KAZN: variants seen among roughly 807,000 people sequenced by gnomAD.
The protein encoded by KAZN is kazrin.
In KAZN, 40 loss-of-function variants were observed where a neutral mutation model predicts 87.4. The observed-to-expected ratio is 0.46, with a 90% CI of 0.36 to 0.60. The LOEUF (loss-of-function observed/expected upper bound fraction) is 0.60. Ranked by LOEUF, KAZN falls within the 20% of genes least tolerant of loss-of-function variation. The pLI, the probability that KAZN is intolerant of heterozygous loss-of-function variation, is 0.00. For missense variants in KAZN, 898 were observed against 1,073.9 expected, an observed-to-expected ratio of 0.84 and a Z score of 2.29; for synonymous variants, 466 against 458.3, an observed-to-expected ratio of 1.02 and a Z score of -0.22.
intron 1 of KAZN, among the ~76,000 whole-genome samples, chr1:14,957,664 G>A (rs1421991224): frequency 6.6e-6 from 1 of 152,182 alleles, no homozygotes; most frequent in Non-Finnish European, 1.5e-5. Flanking sequence ...AGGCTGATGG[G>A]AAGGAAATCA....
chr1:14,556,488 G>C (rs1371536749), intron 2 of KAZN, among the ~76,000 whole-genome samples: 3 of 152,124 alleles, frequency 2.0e-5, no homozygotes, highest in African/African-American at 7.2e-5. Flanking sequence ...GGGACTCATG[G>C]AGGTGTGGAG....
At chr1:14,995,119 TG>T (rs1667739926) in intron 2 of KAZN, among the ~76,000 whole-genome samples, 1 of 152,176 alleles carries the variant, frequency 6.6e-6, no homozygotes, top group African/African-American at 2.4e-5. Flanking sequence ...AGAGGGGAGC[TG>T]GAAGAGACAG....
chr1:14,741,937 TGGTTGTTTTTTTTTG>T (rs1012646290), intron 1 of KAZN, among the ~76,000 whole-genome samples: 48 of 152,140 alleles, frequency 3.2e-4, no homozygotes, highest in African/African-American at 1.1e-3. Flanking sequence ...TTCTCTCTTG[TGGTTGTTTTTTTTTG>T]GGTTGTTTTT....
intron 1 of KAZN, among the ~76,000 whole-genome samples, chr1:14,883,169 C>A (rs1653523276): frequency 6.6e-6 from 1 of 151,570 alleles, no homozygotes; most frequent in Non-Finnish European, 1.5e-5. Context: ...ATGGCACATG[C>A]CTGTAATCCC....
chr1:14,306,245 T>G (rs1480102986), intron 2 of KAZN, among the ~76,000 whole-genome samples: 3 of 152,208 alleles, frequency 2.0e-5, no homozygotes, highest in Non-Finnish European at 4.4e-5. Flanking sequence ...TATTTCTCTA[T>G]CTCTTTCTGC....
intron 1 of KAZN, among the ~76,000 whole-genome samples, chr1:14,684,621 G>A (rs534935849): frequency 1.6e-4 from 25 of 152,276 alleles, no homozygotes; most frequent in Non-Finnish European, 2.9e-4. Context: ...ATGTTTCTTC[G>A]CTCTTTCTAG....
intron 2 of KAZN, among the ~76,000 whole-genome samples, chr1:14,324,776 A>G (rs1444508017): frequency 6.6e-6 from 1 of 152,190 alleles, no homozygotes; most frequent in Non-Finnish European, 1.5e-5. Context: ...CACATTTATT[A>G]TGTAATAATT....
intron 1 of KAZN, among the ~76,000 whole-genome samples, chr1:13,900,384 C>T (rs190339163): frequency 8.0e-4 from 122 of 152,284 alleles, no homozygotes; most frequent in African/African-American, 2.8e-3. Context: ...CCCTACCAGC[C>T]CCTGGTGATC....
chr1:14,989,930 A>T (rs1667188146), intron 2 of KAZN, among the ~76,000 whole-genome samples: 1 of 152,192 alleles, frequency 6.6e-6, no homozygotes, highest in Admixed American at 6.5e-5. Flanking sequence ...GGAGATAGGC[A>T]TCGATGTTTA....
chr1:14,129,143 A>G (rs985370257), intron 1 of KAZN, among the ~76,000 whole-genome samples: 6 of 152,192 alleles, frequency 3.9e-5, no homozygotes, highest in African/African-American at 1.2e-4. Flanking sequence ...AGGGACTCAC[A>G]TGGTACCCTA....
chr1:14,308,499 C>A (rs1655078517), intron 2 of KAZN, among the ~76,000 whole-genome samples: 1 of 152,104 alleles, frequency 6.6e-6, no homozygotes, highest in South Asian at 2.1e-4. Context: ...GTTTCATGAA[C>A]AATTCTTGTA....
chr1:14,844,943 T>A (rs1002892043), intron 1 of KAZN, among the ~76,000 whole-genome samples: 1 of 151,990 alleles, frequency 6.6e-6, no homozygotes, highest in Non-Finnish European at 1.5e-5. Flanking sequence ...GATGGCTGTA[T>A]AAATGAGTGG....
intron 1 of KAZN, among the ~76,000 whole-genome samples, chr1:14,875,273 G>C (rs1314502398): frequency 6.7e-6 from 1 of 148,322 alleles, no homozygotes; most frequent in Non-Finnish European, 1.5e-5. Context: ...AGAGGTTGCA[G>C]TGGGCCGAGA....
chr1:14,058,376 GCTGCTTCCATTCT>G (rs778400402), intron 1 of KAZN, among the ~76,000 whole-genome samples: 1 of 152,114 alleles, frequency 6.6e-6, no homozygotes, highest in Non-Finnish European at 1.5e-5. Context: ...AAGACACATG[GCTGCTTCCATTCT>G]GTTCTCTGCT....
intron 1 of KAZN, among the ~76,000 whole-genome samples, chr1:14,920,017 T>C (rs1557621427): frequency 1.3e-5 from 2 of 152,140 alleles, no homozygotes; most frequent in Admixed American, 1.3e-4. Flanking sequence ...CCTGTCCTTG[T>C]CATTAAGTGA....
chr1:14,309,548 G>T (rs1655146954), intron 2 of KAZN, among the ~76,000 whole-genome samples: 1 of 152,144 alleles, frequency 6.6e-6, no homozygotes, highest in African/African-American at 2.4e-5. Context: ...ATCCACTGAA[G>T]ATGGCATTAA....
intron 1 of KAZN, among the ~76,000 whole-genome samples, chr1:14,684,665 GC>G (rs915522805): frequency 3.3e-5 from 5 of 152,196 alleles, no homozygotes; most frequent in Admixed American, 6.5e-5. Context: ...TTGGCTTGTG[GC>G]CCCTTCCTAT....
chr1:15,020,836 G>A (rs1467451665), intron 2 of KAZN, among the ~76,000 whole-genome samples: 2 of 152,148 alleles, frequency 1.3e-5, no homozygotes, highest in Admixed American at 6.5e-5. Flanking sequence ...GGCATGATGT[G>A]ACTTGCCCCA....
intron 1 of KAZN, among the ~76,000 whole-genome samples, chr1:14,897,219 A>G (rs1218204842): frequency 6.6e-6 from 1 of 152,206 alleles, no homozygotes; most frequent in Non-Finnish European, 1.5e-5. Flanking sequence ...AGTCCCAGGA[A>G]GAACTTCTCC....
Sources: gnomAD v4.1 joint callset for allele counts (sites outside exome capture counted in the v4.1 genomes callset) on GRCh38, gnomAD v4.1.1 for gene constraint, MANE v1.5 for transcripts, NCBI Gene and HGNC (gene_info 2026-07-23, HGNC 2026-07-21) for gene names.